ROR2: variants seen among roughly 807,000 people sequenced by gnomAD.
ROR2 encodes tyrosine-protein kinase transmembrane receptor ROR2.
A neutral mutation model predicts 74.9 loss-of-function variants in ROR2; 33 were observed. That is an observed-to-expected ratio of 0.44 (90% CI 0.33 to 0.59). The LOEUF (loss-of-function observed/expected upper bound fraction) is 0.59. Among genes scored for constraint, ROR2 ranks in the 20% least tolerant of loss-of-function variants. The pLI, the probability that ROR2 is intolerant of heterozygous loss-of-function variation, is 0.02. For synonymous variants in ROR2, 586 were observed against 558.7 expected, an observed-to-expected ratio of 1.05 and a Z score of -0.69; for missense variants, 1,216 against 1,313.8, an observed-to-expected ratio of 0.93 and a Z score of 1.15.
intron 1 of ROR2, chr9:91,924,021 A>G (rs1480754273): frequency 6.6e-6 from 1 of 152,254 alleles, no homozygotes; most frequent in Non-Finnish European, 1.5e-5. Flanking sequence ...TGCAGTCCAT[A>G]CTTGGACCCT....
chr9:91,945,077 C>T (rs139147809), intron 1 of ROR2, among the ~76,000 whole-genome samples: 463 of 147,242 alleles, frequency 3.1e-3, no homozygotes, highest in African/African-American at 0.01. Context: ...AAGACCTTAA[C>T]TCAAAAAAAA....
At chr9:91,789,703 A>T (rs1826911642) in intron 1 of ROR2, among the ~76,000 whole-genome samples, 1 of 152,240 alleles carries the variant, frequency 6.6e-6, no homozygotes, top group Non-Finnish European at 1.5e-5. Flanking sequence ...ACAAATAATA[A>T]GGGAATTTTA....
At chr9:91,782,289 A>G (rs1325366501) in intron 1 of ROR2, among the ~76,000 whole-genome samples, 1 of 152,178 alleles carries the variant, frequency 6.6e-6, no homozygotes, top group Non-Finnish European at 1.5e-5. Flanking sequence ...CTTTTCATCT[A>G]GTTTCAAGGA....
intron 1 of ROR2, among the ~76,000 whole-genome samples, chr9:91,839,281 T>TACAGGC (rs1563991907): frequency 6.7e-6 from 1 of 148,188 alleles, no homozygotes; most frequent in African/African-American, 2.6e-5. Flanking sequence ...TGTGTGTGTG[T>TACAGGC]GTGTGTGTGT....
intron 1 of ROR2, among the ~76,000 whole-genome samples, chr9:91,783,535 C>T (rs1430047867): frequency 6.6e-6 from 1 of 152,162 alleles, no homozygotes. Flanking sequence ...ATGGAAGCCA[C>T]CTCCAACCCT....
intron 1 of ROR2, among the ~76,000 whole-genome samples, chr9:91,920,667 A>G (rs991416046): frequency 1.3e-5 from 2 of 152,162 alleles, no homozygotes; most frequent in African/African-American, 4.8e-5. Context: ...GGCACTTGGG[A>G]GCATATCGAC....
chr9:91,921,042 G>A (rs1042013999), intron 1 of ROR2, among the ~76,000 whole-genome samples: 4 of 152,242 alleles, frequency 2.6e-5, no homozygotes, highest in Non-Finnish European at 5.9e-5. Context: ...CACCCGAGGG[G>A]GTGAACACAG....
intron 1 of ROR2, among the ~76,000 whole-genome samples, chr9:91,893,775 G>A (rs10992154): frequency 0.49 from 74,155 of 151,758 alleles, 19,146 homozygotes; most frequent in African/African-American, 0.65. Flanking sequence ...CATCCAATCC[G>A]AGCCACCATC....
In ROR2 at chr9:91,950,136, C is replaced by T. The variant is rs1020227649; in HGVS notation, c.-173G>A. ...TCTTCTCCGGCCCGGATGCGCCGCT[C>T]GGCTCCGGCCACGGCAAGGGCTGGC... On this transcript the variant is annotated 5_prime_UTR_variant, in exon 1 of 9. Coordinates refer to ENST00000375708, the MANE Select transcript of ROR2 (RefSeq NM_004560.4). The T allele has an allele frequency of 5.0e-6, 2 of 403,094 alleles. No individual in the cohort carries two copies. The highest frequency in any genetic ancestry group is 8.6e-6 in the Non-Finnish European group (2 of 231,522). 25.0% of individuals were successfully genotyped at this position (403,094 alleles called of 1,614,324 possible).
intron 1 of ROR2, among the ~76,000 whole-genome samples, chr9:91,814,613 A>G (rs551735805): frequency 2.0e-5 from 3 of 152,256 alleles, no homozygotes; most frequent in African/African-American, 7.2e-5. Context: ...CACAAATTAA[A>G]GACAAAAAGT....
chr9:91,944,864 C>A (rs554201586), intron 1 of ROR2, among the ~76,000 whole-genome samples: 2 of 152,124 alleles, frequency 1.3e-5, no homozygotes, highest in South Asian at 4.2e-4. Flanking sequence ...CCAGCCTGGG[C>A]AACACAAGTG....
intron 1 of ROR2, among the ~76,000 whole-genome samples, chr9:91,893,884 G>T (rs969229945): frequency 6.6e-6 from 1 of 152,060 alleles, no homozygotes; most frequent in Non-Finnish European, 1.5e-5. Context: ...ACAGTTCTGG[G>T]GCTTTAAGTA....
chr9:91,724,339 C>A lies in ROR2; in HGVS notation c.2155G>T (p.Ala719Ser). 1 of 1,613,346 alleles carries A rather than the reference C, an allele frequency of 6.2e-7. No homozygotes were observed. The highest frequency in any genetic ancestry group is 1.6e-4 in the Middle Eastern group (1 of 6,062). ...QVLPCPDDCP[A>S]WVYALMIECW... ...TCGATCATGAGGGCATACACCCAGG[C>A]GGGACAGTCATCGGGGCAAGGCAGC... The change falls in exon 9 of 9, where the codon GCC (alanine) becomes TCC (serine). Residue 719 changes from alanine to serine, a missense_variant. By Grantham distance (99) the Ala-to-Ser change is moderately conservative. Coordinates refer to ENST00000375708, the MANE Select transcript of ROR2 (RefSeq NM_004560.4).
At chr9:91,761,143 A>G (rs761804051) in intron 2 of ROR2, among the ~76,000 whole-genome samples, 23 of 152,130 alleles carry the variant, frequency 1.5e-4, no homozygotes, top group Non-Finnish European at 1.5e-4. Flanking sequence ...TTCCTTCTAG[A>G]GGCTCTGTGT....
At chr9:91,894,124 C>A (rs1340887403) in intron 1 of ROR2, among the ~76,000 whole-genome samples, 1 of 152,192 alleles carries the variant, frequency 6.6e-6, no homozygotes, top group Non-Finnish European at 1.5e-5. Context: ...CCAACTCCAG[C>A]CCCGTCACTC....
At chr9:91,838,848 A>C (rs1828693516) in intron 1 of ROR2, among the ~76,000 whole-genome samples, 1 of 152,196 alleles carries the variant, frequency 6.6e-6, no homozygotes. Context: ...TGGAGTTTTA[A>C]ATAAACGGGC....
intron 1 of ROR2, among the ~76,000 whole-genome samples, chr9:91,810,799 C>T (rs768103009): frequency 3.3e-5 from 5 of 152,164 alleles, no homozygotes; most frequent in East Asian, 1.9e-4. Flanking sequence ...TCTACGTTTG[C>T]GGGTCACACA....
At chr9:91,931,271 G>A (rs529030567) in intron 1 of ROR2, among the ~76,000 whole-genome samples, 1 of 152,306 alleles carries the variant, frequency 6.6e-6, no homozygotes, top group East Asian at 1.9e-4. Context: ...TACCAGGCAA[G>A]TCACAAATAA....
intron 1 of ROR2, among the ~76,000 whole-genome samples, chr9:91,844,997 T>TGCATTCATGACA (rs1349168813): frequency 6.6e-6 from 1 of 152,148 alleles, no homozygotes; most frequent in East Asian, 1.9e-4. Flanking sequence ...CAAAGCAAAA[T>TGCATTCATGACA]GCATTCATGA....
Sources: allele counts gnomAD v4.1 joint callset (sites outside exome capture counted in the v4.1 genomes callset), GRCh38; gene constraint gnomAD v4.1.1; transcripts MANE v1.5; gene names NCBI Gene and HGNC (gene_info 2026-07-23, HGNC 2026-07-21).